IQCH: variants seen among roughly 807,000 people sequenced by gnomAD.
The protein encoded by IQCH is IQ domain-containing protein H.
Under a neutral mutation model 117.0 loss-of-function variants are expected in IQCH, and 98 were observed. The observed-to-expected ratio is 0.84, with a 90% confidence interval of 0.71 to 0.99. The LOEUF is 0.99. Ranked by LOEUF, IQCH falls within the 50% of genes least tolerant of loss-of-function variation. The pLI is 0.00. For synonymous variants in IQCH, 412 were observed against 448.2 expected (o/e 0.92, Z 1.02); for missense variants, 1,102 against 1,243.8 (o/e 0.89, Z 1.72).
chr15:67,335,487 C>A (rs1298617363), intron 4 of IQCH, among the ~76,000 whole-genome samples: 1 of 152,172 alleles, frequency 6.6e-6, no homozygotes, highest in Non-Finnish European at 1.5e-5. Context: ...CAAGTGGAGA[C>A]CCTGCCGCTT....
chr15:67,312,327 A>C (rs555668718), intron 4 of IQCH, among the ~76,000 whole-genome samples: 1 of 152,208 alleles, frequency 6.6e-6, no homozygotes, highest in East Asian at 1.9e-4. Context: ...TATTTAATCC[A>C]TTTATAAAAC....
chr15:67,303,307 T>C (rs1967143085), intron 4 of IQCH, among the ~76,000 whole-genome samples: 2 of 152,256 alleles, frequency 1.3e-5, no homozygotes, highest in East Asian at 1.9e-4. Flanking sequence ...GAGCAATTGC[T>C]AATGGGTATG....
At chr15:67,323,864 T>C (rs1443948596) in intron 4 of IQCH, among the ~76,000 whole-genome samples, 1 of 152,018 alleles carries the variant, frequency 6.6e-6, no homozygotes, top group Non-Finnish European at 1.5e-5. Context: ...TATTATCTTT[T>C]ATATTTGCCA....
At chr15:67,294,715 T>C (rs1966842614) in intron 4 of IQCH, among the ~76,000 whole-genome samples, 1 of 152,360 alleles carries the variant, frequency 6.6e-6, no homozygotes, top group East Asian at 1.9e-4. Context: ...GTGGCTTCTC[T>C]GAGCAGCTGA....
At position 67,391,512 on chromosome 15, in the gene IQCH, A is replaced by G. The variant is rs1971284220; in HGVS notation, c.1632+2506A>G. 6.6e-6 allele frequency among the ~76,000 whole-genome samples: 1 copy of G among 152,166 alleles called. No homozygotes were observed. Among genetic ancestry groups the G allele is most frequent in the South Asian group, 2.1e-4 (1 of 4,822 alleles). The stretch of plus-strand genomic sequence containing the variant: ...GTAATGGTAAAATGTGCTCTTTATA[A>G]AAGTCATTATGTCTATTTTTAGACA... On this transcript the variant is annotated intron_variant, in intron 12 of 20. Transcript: ENST00000335894. This position sits in a 1 kb window ranked among gnomAD's most constrained non-coding sequence, Gnocchi z 4.3.
rs1231797324 is a variant in IQCH at position 67,501,202 on chromosome 15, CCTTT to C, written c.*457_*460del. ...ATTGCTATTTGTCAAAACACAAATG[CCTTT>C]TTTTCAAAGCTTCAAATTATATTGA... On this transcript the variant is annotated 3_prime_UTR_variant, in exon 21 of 21. Transcript: ENST00000335894. This position sits in a 1 kb window ranked among gnomAD's most constrained non-coding sequence, Gnocchi z 5.2. 6.6e-6 allele frequency: 1 copy of C among 151,990 alleles called. No individual in the cohort carries two copies. The highest frequency in any genetic ancestry group is 1.5e-5 in the Non-Finnish European group (1 of 67,990). The allele number at this position is 151,990 out of a possible 1,614,324, so 9.4% of individuals were successfully genotyped here.
intron 4 of IQCH, among the ~76,000 whole-genome samples, chr15:67,305,942 G>A (rs1410303946): frequency 6.6e-6 from 1 of 152,034 alleles, no homozygotes; most frequent in Non-Finnish European, 1.5e-5. Flanking sequence ...ATTTGGGAAA[G>A]CACTTCCCTT....
chr15:67,277,076 C>T (rs1966154565), intron 3 of IQCH, among the ~76,000 whole-genome samples: 2 of 152,130 alleles, frequency 1.3e-5, no homozygotes, highest in South Asian at 4.2e-4. Context: ...TTTCATTGGC[C>T]ATATTCAATA....
At chr15:67,278,556 C>T (rs1966222488) in intron 3 of IQCH, among the ~76,000 whole-genome samples, 1 of 152,176 alleles carries the variant, frequency 6.6e-6, no homozygotes. Flanking sequence ...CAGCAGTTTA[C>T]CCTGTGATCT....
intron 4 of IQCH, among the ~76,000 whole-genome samples, chr15:67,282,999 A>C (rs904635011): frequency 6.6e-6 from 1 of 152,222 alleles, no homozygotes; most frequent in Non-Finnish European, 1.5e-5. Context: ...TCTTGAAAAA[A>C]ATAGAATCAG....
intron 18 of IQCH, among the ~76,000 whole-genome samples, chr15:67,488,277 C>G (rs957922706): frequency 2.0e-5 from 3 of 152,194 alleles, no homozygotes; most frequent in Non-Finnish European, 4.4e-5. Flanking sequence ...TGTGATTGAG[C>G]CACTGAACTC....
chr15:67,310,487 G>A (rs1967534242), intron 4 of IQCH, among the ~76,000 whole-genome samples: 1 of 152,092 alleles, frequency 6.6e-6, no homozygotes, highest in South Asian at 2.1e-4. Flanking sequence ...ATAAAGCAGT[G>A]CCTGACTCCT....
At chr15:67,292,793 TCAA>T (rs986304170) in intron 4 of IQCH, among the ~76,000 whole-genome samples, 8 of 152,238 alleles carry the variant, frequency 5.3e-5, no homozygotes, top group African/African-American at 1.9e-4. Context: ...CCTAATAAAA[TCAA>T]CAGTAATTCT....
chr15:67,312,254 G>C (rs570414436), intron 4 of IQCH, among the ~76,000 whole-genome samples: 3 of 152,172 alleles, frequency 2.0e-5, no homozygotes, highest in Admixed American at 1.3e-4. Flanking sequence ...ACCTATGATA[G>C]GTTTAGGGTA....
rs753410919 is a variant in IQCH, at chr15:67,369,214, C to T, written c.754-2897C>T. On this transcript the variant is annotated intron_variant, in intron 8 of 20. Coordinates refer to ENST00000335894, the MANE Select transcript of IQCH (RefSeq NM_001031715.3). This position sits in a 1 kb window ranked among gnomAD's most constrained non-coding sequence, Gnocchi z 5.2. ...GAAACTCTCAAAGTTATCTAATTAG[C>T]GATTACACTTTGCAAACAAAGAACA... Among the ~76,000 whole-genome samples, 1 of 152,116 alleles carries T rather than the reference C, an allele frequency of 6.6e-6. No individual in the cohort carries two copies. The highest frequency in any genetic ancestry group is 1.5e-5 in the Non-Finnish European group (1 of 68,030).
chr15:67,380,985 C>G (rs923963243), intron 10 of IQCH, among the ~76,000 whole-genome samples: 3 of 152,164 alleles, frequency 2.0e-5, no homozygotes, highest in Non-Finnish European at 4.4e-5. Context: ...ACTTGGGAGA[C>G]AAAAGAAACT....
Position 67,403,721 on chromosome 15 carries a change from C to T in IQCH, c.2097+3416C>T, listed in dbSNP as rs1367961221. 1 of 152,172 alleles carries T rather than the reference C, an allele frequency of 6.6e-6. No homozygotes were observed. Among genetic ancestry groups the T allele is most frequent in the Non-Finnish European group, 1.5e-5 (1 of 68,026 alleles). The allele number at this position is 152,172 out of a possible 1,614,324, so 9.4% of individuals were successfully genotyped here. A position where few individuals can be genotyped will look rare whatever the true frequency, so the allele number is the denominator to read the frequency against. The stretch of plus-strand genomic sequence containing the variant: ...GGAGAAACATTCCTGGGTAAGCTCA[C>T]CTAAGACAGTTTAGGGAGACCCAGG... On this transcript the variant is annotated intron_variant, in intron 14 of 20. Transcript: ENST00000335894. The surrounding 1 kb of genome is among the most constrained non-coding windows in gnomAD (Gnocchi z 4.8).
intron 3 of IQCH, among the ~76,000 whole-genome samples, chr15:67,271,392 T>A (rs1328414598): frequency 6.6e-6 from 1 of 152,254 alleles, no homozygotes; most frequent in Non-Finnish European, 1.5e-5. Context: ...TGTTGTATCC[T>A]CATCTGGTTT....
intron 4 of IQCH, among the ~76,000 whole-genome samples, chr15:67,291,421 C>T (rs1966747441): frequency 6.6e-6 from 1 of 152,048 alleles, no homozygotes; most frequent in Admixed American, 6.6e-5. Context: ...TAATTCTAGC[C>T]AGGATAAACA....
Sources: allele counts gnomAD v4.1 joint callset (sites outside exome capture counted in the v4.1 genomes callset), GRCh38; gene constraint gnomAD v4.1.1; non-coding constraint Gnocchi (gnomAD v3.1); transcripts MANE v1.5; gene names NCBI Gene and HGNC (gene_info 2026-07-23, HGNC 2026-07-21).